The following RGS7 variants were observed in gnomAD, a reference collection of about 807,000 sequenced individuals.
RGS7 encodes the protein regulator of G protein signaling 7.
Under a neutral mutation model 81.1 loss-of-function variants are expected in RGS7, and 27 were observed. The observed-to-expected ratio is 0.33, with a 90% confidence interval of 0.25 to 0.46. The LOEUF (loss-of-function observed/expected upper bound fraction) is 0.46, where lower values mean the gene tolerates loss of function less well. Among genes scored for constraint, RGS7 ranks in the 20% least tolerant of loss-of-function variants. The pLI is 1.00. For missense variants in RGS7, 396 were observed against 607.4 expected (o/e 0.65, Z 3.66); for synonymous variants, 208 against 207.7 (o/e 1.00, Z -0.01).
At chr1:241,204,401 C>T (rs1244510900) in intron 2 of RGS7, among the ~76,000 whole-genome samples, 2 of 152,118 alleles carry the variant, frequency 1.3e-5, no homozygotes, top group Non-Finnish European at 2.9e-5. Context: ...ATGTGGTGTG[C>T]AAGTTCTTAA....
At chr1:241,043,125 G>A (rs551331675) in intron 3 of RGS7, among the ~76,000 whole-genome samples, 479 of 152,066 alleles carry the variant, frequency 3.1e-3, no homozygotes, top group Middle Eastern at 6.8e-3. Flanking sequence ...CATTCTACAC[G>A]AGTTTTTGAA....
At chr1:240,823,401 T>G (rs528998451) in intron 10 of RGS7, 10 of 416,596 alleles carry the variant, frequency 2.4e-5, no homozygotes, top group South Asian at 2.0e-4. Flanking sequence ...CCCGCACCAC[T>G]TGGGCCCGGC....
intron 2 of RGS7, among the ~76,000 whole-genome samples, chr1:241,149,005 T>G (rs1275981214): frequency 6.6e-6 from 1 of 152,258 alleles, no homozygotes; most frequent in African/African-American, 2.4e-5. Context: ...AGGGCATCAC[T>G]GGATTAAATG....
chr1:240,930,766 G>T lies in RGS7; in HGVS notation c.336C>A (p.Thr112=), dbSNP rs1365647897. The T allele has an allele frequency of 6.2e-7, 1 of 1,613,686 alleles. No individual in the cohort carries two copies. The highest frequency in any genetic ancestry group is 8.5e-7 in the Non-Finnish European group (1 of 1,179,764). The part of the protein sequence containing the change: ...KDDGTFYRFQ[T]PYFWPSNCWE... ...AACAATTTGATGGCCAAAAATAGGG[G>T]GTCTGCGGAATGAAAAGAAGTGGAA... Residue 112 remains threonine (T), a splice_region_variant and synonymous_variant, in exon 6 of 19, where the codon ACC becomes ACA. Coordinates refer to ENST00000440928, the MANE Select transcript of RGS7 (RefSeq NM_001364886.1).
At chr1:241,333,299 G>T (rs1332839950) in intron 2 of RGS7, among the ~76,000 whole-genome samples, 2 of 152,216 alleles carry the variant, frequency 1.3e-5, no homozygotes, top group Non-Finnish European at 2.9e-5. Flanking sequence ...ATGAGAGAAA[G>T]TTCACATGTG....
chr1:241,009,490 C>T (rs599578), intron 3 of RGS7, among the ~76,000 whole-genome samples: 56,911 of 151,960 alleles, frequency 0.37, 12,167 homozygotes, highest in East Asian at 0.55. Context: ...CTCAGATAAA[C>T]AGCAAAAGGA....
At chr1:241,186,888 A>G (rs972378117) in intron 2 of RGS7, among the ~76,000 whole-genome samples, 3 of 152,172 alleles carry the variant, frequency 2.0e-5, no homozygotes, top group Non-Finnish European at 2.9e-5. Context: ...AATGTTGGAT[A>G]AGACAGAAAT....
At chr1:241,003,842 G>T (rs1453099326) in intron 3 of RGS7, among the ~76,000 whole-genome samples, 2 of 152,048 alleles carry the variant, frequency 1.3e-5, no homozygotes, top group Non-Finnish European at 2.9e-5. Context: ...TCCGCCTCCT[G>T]GGTTCAAGTG....
At chr1:240,783,686 T>C (rs753464382) in intron 18 of RGS7, among the ~76,000 whole-genome samples, 1 of 150,556 alleles carries the variant, frequency 6.6e-6, no homozygotes, top group Non-Finnish European at 1.5e-5. Context: ...TAACAGAAAG[T>C]TGATGGTAAG....
chr1:240,787,012 T>C (rs1685190030), intron 18 of RGS7, among the ~76,000 whole-genome samples: 1 of 152,176 alleles, frequency 6.6e-6, no homozygotes, highest in African/African-American at 2.4e-5. Context: ...TTCTGTCAAA[T>C]TCTATTCGAC....
intron 2 of RGS7, among the ~76,000 whole-genome samples, chr1:241,353,920 C>A (rs2083403468): frequency 6.6e-6 from 1 of 152,016 alleles, no homozygotes; most frequent in Non-Finnish European, 1.5e-5. Flanking sequence ...CTTATTTTTT[C>A]TTTTTTTGTT....
At chr1:241,057,592 A>C (rs1461260303) in intron 3 of RGS7, among the ~76,000 whole-genome samples, 1 of 144,208 alleles carries the variant, frequency 6.9e-6, no homozygotes, top group African/African-American at 2.6e-5. Context: ...TTCTTACTGT[A>C]GGATCTCTGT....
chr1:240,992,496 T>A (rs150992991), intron 3 of RGS7, among the ~76,000 whole-genome samples: 1,910 of 152,066 alleles, frequency 0.013, 50 homozygotes, highest in African/African-American at 0.043. Context: ...AGAGCAAGAC[T>A]CCGTCTCACA....
intron 3 of RGS7, among the ~76,000 whole-genome samples, chr1:241,053,927 A>G (rs1296843927): frequency 1.3e-5 from 2 of 152,234 alleles, no homozygotes; most frequent in Non-Finnish European, 2.9e-5. Context: ...CTCCTCAGCC[A>G]TGTGGAACTA....
intron 2 of RGS7, among the ~76,000 whole-genome samples, chr1:241,135,880 G>T (rs2067476221): frequency 6.7e-6 from 1 of 149,940 alleles, no homozygotes. Flanking sequence ...TCAAGCAATT[G>T]TCCTGCCTCA....
intron 2 of RGS7, among the ~76,000 whole-genome samples, chr1:241,272,528 C>T (rs768097627): frequency 1.3e-5 from 2 of 152,146 alleles, no homozygotes; most frequent in Non-Finnish European, 2.9e-5. Context: ...CTCATATGTG[C>T]TTTCCTTGAA....
At chr1:241,182,821 C>T (rs990299317) in intron 2 of RGS7, among the ~76,000 whole-genome samples, 9 of 108,512 alleles carry the variant, frequency 8.3e-5, no homozygotes, top group Admixed American at 1.1e-4. Flanking sequence ...GTTAATTTTT[C>T]GGTTTTTGTT....
chr1:240,884,970 C>A (rs940161857), intron 6 of RGS7, among the ~76,000 whole-genome samples: 3 of 152,138 alleles, frequency 2.0e-5, no homozygotes, highest in Non-Finnish European at 2.9e-5. Context: ...AAGAGACAAC[C>A]TATAGAATAG....
chr1:240,868,289 G>A lies in RGS7; in HGVS notation c.609+298C>T, dbSNP rs1663831323. Among the ~76,000 whole-genome samples the A allele has an allele frequency of 6.6e-6, 1 of 152,148 alleles. No individual in the cohort carries two copies. Among genetic ancestry groups the A allele is most frequent in the Non-Finnish European group, 1.5e-5 (1 of 68,036 alleles). ...TGTAAACAATAAAACATGAAAAACT[G>A]TTTTGTTGCAGTAGTTTTTCTTTCA... On this transcript the variant is annotated intron_variant, in intron 9 of 18. Transcript: ENST00000440928. The surrounding 1 kb of genome is among the most constrained non-coding windows in gnomAD (Gnocchi z 5.1).
Sources: allele counts gnomAD v4.1 joint callset (sites outside exome capture counted in the v4.1 genomes callset), GRCh38; gene constraint gnomAD v4.1.1; non-coding constraint Gnocchi (gnomAD v3.1); transcripts MANE v1.5; gene names NCBI Gene and HGNC (gene_info 2026-07-23, HGNC 2026-07-21).